TRPM7: variants seen among roughly 807,000 people sequenced by gnomAD.
The protein encoded by TRPM7 is transient receptor potential cation channel subfamily M member 7, also known as LTRPC ion channel family member 7.
A neutral mutation model predicts 229.7 loss-of-function variants in TRPM7; 134 were observed. That is an observed-to-expected ratio of 0.58 (90% CI 0.51 to 0.67). The LOEUF (loss-of-function observed/expected upper bound fraction) is 0.67, where lower values mean the gene tolerates loss of function less well. Ranked by LOEUF, TRPM7 falls within the 30% of genes least tolerant of loss-of-function variation. TRPM7 has a pLI of 0.00. For synonymous variants in TRPM7, 699 were observed against 715.2 expected, an observed-to-expected ratio of 0.98 and a Z score of 0.36; for missense variants, 1,901 against 2,210.0, an observed-to-expected ratio of 0.86 and a Z score of 2.80.
intron 26 of TRPM7, 138 bp downstream of exon 26, chr15:50,591,773 C>A (rs1425948528): frequency 3.2e-6 from 2 of 632,834 alleles, no homozygotes; most frequent in Admixed American, 3.8e-5. Context: ...ACCAGAATCA[C>A]AGGTGTCTGA....
intron 19 of TRPM7, among the ~76,000 whole-genome samples, chr15:50,608,197 C>T (rs920907293): frequency 4.6e-5 from 7 of 152,052 alleles, no homozygotes; most frequent in African/African-American, 1.7e-4. Context: ...GGCTTTGACC[C>T]AGGTAAGGAA....
At chr15:50,629,527 C>T (rs1408059992) in intron 10 of TRPM7, among the ~76,000 whole-genome samples, 1 of 135,428 alleles carries the variant, frequency 7.4e-6, no homozygotes, top group Non-Finnish European at 1.6e-5. Context: ...CTTGCCTCAG[C>T]CTCCCAAAAT....
chr15:50,582,112 C>G (rs1477068883), intron 29 of TRPM7, among the ~76,000 whole-genome samples: 2 of 152,076 alleles, frequency 1.3e-5, no homozygotes, highest in Non-Finnish European at 2.9e-5. Flanking sequence ...CAGGCATGTG[C>G]CACCACACCC....
chr15:50,655,456 C>CA (rs1180196826), intron 3 of TRPM7, among the ~76,000 whole-genome samples: 1 of 129,858 alleles, frequency 7.7e-6, no homozygotes, highest in African/African-American at 2.8e-5. Flanking sequence ...AACAAAAAAA[C>CA]AAAAAACCTT....
chr15:50,675,547 C>T (rs1053469604), intron 1 of TRPM7, among the ~76,000 whole-genome samples: 3 of 152,236 alleles, frequency 2.0e-5, no homozygotes, highest in South Asian at 2.1e-4. Flanking sequence ...CATACCCCAG[C>T]TGAAAGTTGT....
chr15:50,601,723 A>G (rs1381426766), intron 21 of TRPM7, among the ~76,000 whole-genome samples: 2 of 152,078 alleles, frequency 1.3e-5, no homozygotes, highest in African/African-American at 2.4e-5. Context: ...GAAGTTTAGC[A>G]TTTACCATAT....
chr15:50,580,991 C>G, intron 29 of TRPM7, 83 bp from the exon 30 acceptor site: 1 of 1,423,084 alleles, frequency 7.0e-7, no homozygotes, highest in Non-Finnish European at 9.4e-7. Flanking sequence ...AACTTTTTTT[C>G]TTATATTTTA....
At chr15:50,667,220 G>A (rs1437475762) in intron 1 of TRPM7, among the ~76,000 whole-genome samples, 1 of 152,162 alleles carries the variant, frequency 6.6e-6, no homozygotes, top group African/African-American at 2.4e-5. Context: ...CCTAGAAGCT[G>A]TGCCTGATTA....
rs6493449 is a variant in TRPM7 at position 50,634,136 on chromosome 15, C to G, written c.1007+246G>C. On this transcript the variant is annotated intron_variant, in intron 8 of 38. Coordinates refer to ENST00000646667, the MANE Select transcript of TRPM7 (RefSeq NM_017672.6). Reference sequence around the variant, plus strand: ...GAGTTCAAGACTAGCCTGCCCAACACAGTGAAACCCCATCTCTACTAAAAA... The same window carrying G: ...GAGTTCAAGACTAGCCTGCCCAACAGAGTGAAACCCCATCTCTACTAAAAA... 0.12 allele frequency among the ~76,000 whole-genome samples: 18,954 copies of G among 151,748 alleles called. 1,351 individuals are homozygous for G. The highest frequency in any genetic ancestry group is 0.2 in the African/African-American group (8,080 of 41,334).
At chr15:50,620,806 C>T (rs1005379837) in intron 12 of TRPM7, among the ~76,000 whole-genome samples, 1 of 152,100 alleles carries the variant, frequency 6.6e-6, no homozygotes, top group Non-Finnish European at 1.5e-5. Flanking sequence ...GTGGCACATG[C>T]CTTTAATTCC....
At chr15:50,595,040 T>C (rs2140377829) in intron 23 of TRPM7, among the ~76,000 whole-genome samples, 1 of 151,728 alleles carries the variant, frequency 6.6e-6, no homozygotes, top group Non-Finnish European at 1.5e-5. Flanking sequence ...CCTGTCTATT[T>C]AAAAACAAAA....
At chr15:50,572,549 C>G (rs2053941968) in intron 36 of TRPM7, among the ~76,000 whole-genome samples, 2 of 152,106 alleles carry the variant, frequency 1.3e-5, no homozygotes, top group African/African-American at 2.4e-5. Context: ...ACTGCAAATC[C>G]AAAAAATTCA....
rs139269779 is a variant in TRPM7, at chr15:50,671,104, A to G, written c.4-8058T>C. ...TATACTCTTAGTATTTTTCAAAAAT[A>G]CATTGTTATTTAGCGTAGTCACCAT... On this transcript the variant is annotated intron_variant, in intron 1 of 38. Transcript: ENST00000646667. 2.2e-4 allele frequency among the ~76,000 whole-genome samples: 33 copies of G among 152,282 alleles called. No individual in the cohort carries two copies. The East Asian group carries it at 6.4e-3, about 29-fold the overall frequency.
At chr15:50,578,721 T>A (rs1224582180) in intron 30 of TRPM7, 57 bp from the exon 31 acceptor site, 1 of 1,342,204 alleles carries the variant, frequency 7.5e-7, no homozygotes, top group Non-Finnish European at 1.0e-6. Context: ...GTTTTGGCTA[T>A]CATTTAATTT....
intron 31 of TRPM7, among the ~76,000 whole-genome samples, chr15:50,576,939 T>C (rs943167770): frequency 1.3e-5 from 2 of 151,926 alleles, no homozygotes; most frequent in Non-Finnish European, 2.9e-5. Flanking sequence ...AAGGCCCCAT[T>C]ATCAACAAAA....
At chr15:50,584,608 A>G (rs944486573) in intron 28 of TRPM7, among the ~76,000 whole-genome samples, 1 of 149,176 alleles carries the variant, frequency 6.7e-6, no homozygotes, top group African/African-American at 2.5e-5. Flanking sequence ...GAAGTGTTTC[A>G]GATTTCTGTT....
At chr15:50,577,940 A>G (rs1482558061) in intron 31 of TRPM7, among the ~76,000 whole-genome samples, 1 of 152,030 alleles carries the variant, frequency 6.6e-6, no homozygotes, top group Non-Finnish European at 1.5e-5. Flanking sequence ...ATATGTTAAG[A>G]AGAAGAAGCA....
chr15:50,600,475 G>C (rs2059749856), intron 21 of TRPM7, among the ~76,000 whole-genome samples: 1 of 150,594 alleles, frequency 6.6e-6, no homozygotes. Context: ...ATAAAAAAGT[G>C]AATGCTTTCT....
At chr15:50,606,545 C>A (rs2059924496) in intron 20 of TRPM7, among the ~76,000 whole-genome samples, 1 of 152,136 alleles carries the variant, frequency 6.6e-6, no homozygotes, top group Non-Finnish European at 1.5e-5. Context: ...TTCGCCCAGG[C>A]TGGAGTGCAG....
Sources: allele counts gnomAD v4.1 joint callset (sites outside exome capture counted in the v4.1 genomes callset), GRCh38; gene constraint gnomAD v4.1.1; transcripts MANE v1.5; gene names NCBI Gene and HGNC (gene_info 2026-07-23, HGNC 2026-07-21).